Variants in PLEKHA5 observed in about 807,000 individuals in gnomAD.
PLEKHA5 encodes the protein pleckstrin homology domain containing A5.
PLEKHA5 carries 55 observed loss-of-function variants against 181.9 expected under a neutral mutation model. The ratio of observed to expected loss-of-function variants is 0.30; its 90% CI spans 0.24 to 0.38. The LOEUF is 0.38. Among genes scored for constraint, PLEKHA5 ranks in the 10% least tolerant of loss-of-function variants. The probability of loss-of-function intolerance (pLI) is 1.00; values close to 1 mark genes in which losing one functional copy is unlikely to be tolerated. For synonymous variants in PLEKHA5, 535 were observed against 529.4 expected, an observed-to-expected ratio of 1.01 and a Z score of -0.15; for missense variants, 1,432 against 1,549.5, an observed-to-expected ratio of 0.92 and a Z score of 1.27.
At chr12:19,356,237 A>G (rs1328879667) in intron 26 of PLEKHA5, among the ~76,000 whole-genome samples, 1 of 152,022 alleles carries the variant, frequency 6.6e-6, no homozygotes, top group African/African-American at 2.4e-5. Context: ...GGTTTAGGCC[A>G]GGCATAGTAG....
intron 3 of PLEKHA5, among the ~76,000 whole-genome samples, chr12:19,178,719 T>C (rs2047873136): frequency 6.6e-6 from 1 of 152,214 alleles, no homozygotes; most frequent in Non-Finnish European, 1.5e-5. Context: ...TTTTATTGTG[T>C]CCTTAGTCTG....
At chr12:19,224,455 T>G (rs2059410894) in intron 3 of PLEKHA5, among the ~76,000 whole-genome samples, 1 of 152,190 alleles carries the variant, frequency 6.6e-6, no homozygotes, top group Non-Finnish European at 1.5e-5. Flanking sequence ...TCAGTGGGTT[T>G]TGCTCTTACA....
chr12:19,317,921 CTTTTTTTTTTT>C (rs71064082), intron 16 of PLEKHA5, among the ~76,000 whole-genome samples: 2 of 67,514 alleles, frequency 3.0e-5, no homozygotes, highest in African/African-American at 5.9e-5. Context: ...CAAACCAAAC[CTTTTTTTTTTT>C]TTTTTTTTTT....
intron 3 of PLEKHA5, among the ~76,000 whole-genome samples, chr12:19,182,740 G>A (rs1379124697): frequency 6.6e-6 from 1 of 152,086 alleles, no homozygotes; most frequent in Admixed American, 6.6e-5. Flanking sequence ...ACAAAAATAA[G>A]TATAAGTACT....
At chr12:19,219,884 A>G (rs1422242832) in intron 3 of PLEKHA5, among the ~76,000 whole-genome samples, 2 of 152,130 alleles carry the variant, frequency 1.3e-5, no homozygotes, top group East Asian at 3.9e-4. Context: ...TGGTTTTGTC[A>G]AGCATACCAT....
At chr12:19,335,181 G>A (rs1159817489) in intron 20 of PLEKHA5, among the ~76,000 whole-genome samples, 4 of 149,628 alleles carry the variant, frequency 2.7e-5, no homozygotes, top group Admixed American at 6.7e-5. Context: ...ACAGGCAAGC[G>A]CCACCGCACC....
intron 3 of PLEKHA5, among the ~76,000 whole-genome samples, chr12:19,217,465 T>G (rs1327482854): frequency 1.3e-5 from 2 of 152,220 alleles, no homozygotes; most frequent in East Asian, 3.9e-4. Flanking sequence ...TAATAAATTT[T>G]AATTGTGCCA....
At chr12:19,349,089 TTTGTTGTTGTTG>T (rs146606952) in intron 25 of PLEKHA5, among the ~76,000 whole-genome samples, 4 of 144,910 alleles carry the variant, frequency 2.8e-5, no homozygotes, top group South Asian at 2.2e-4. Context: ...GGTGGTTGTT[TTTGTTGTTGTTG>T]TTGTTGTTGT....
intron 3 of PLEKHA5, among the ~76,000 whole-genome samples, chr12:19,159,597 C>G (rs2042512804): frequency 6.6e-6 from 1 of 152,090 alleles, no homozygotes; most frequent in African/African-American, 2.4e-5. Flanking sequence ...GCACAGTTCA[C>G]TTAGTTCCAA....
intron 3 of PLEKHA5, among the ~76,000 whole-genome samples, chr12:19,179,508 A>C (rs1271049628): frequency 1.3e-5 from 2 of 152,010 alleles, no homozygotes; most frequent in African/African-American, 2.4e-5. Context: ...ACAAATAACA[A>C]AATTAGCCTG....
At chr12:19,338,565 G>T (rs539094770) in intron 21 of PLEKHA5, among the ~76,000 whole-genome samples, 1 of 151,210 alleles carries the variant, frequency 6.6e-6, no homozygotes, top group African/African-American at 2.4e-5. Context: ...TGGAGATCAC[G>T]CAACTGTATG....
At chr12:19,275,927 G>A (rs1029309827) in intron 11 of PLEKHA5, among the ~76,000 whole-genome samples, 1 of 152,130 alleles carries the variant, frequency 6.6e-6, no homozygotes, top group Non-Finnish European at 1.5e-5. Flanking sequence ...TAATTCTCTA[G>A]TAGAGGAGAC....
At chr12:19,199,962 G>A (rs1220094307) in intron 3 of PLEKHA5, among the ~76,000 whole-genome samples, 1 of 152,138 alleles carries the variant, frequency 6.6e-6, no homozygotes, top group Non-Finnish European at 1.5e-5. Context: ...GAGGTCGACA[G>A]TGGAATGATG....
chr12:19,315,137 C>T (rs2088090571), intron 16 of PLEKHA5, among the ~76,000 whole-genome samples: 1 of 152,054 alleles, frequency 6.6e-6, no homozygotes, highest in Non-Finnish European at 1.5e-5. Flanking sequence ...AGTTTTTGTG[C>T]AGAGTATTTG....
chr12:19,314,930 A>AT, intron 16 of PLEKHA5, 36 bp downstream of exon 16: 3 of 1,018,296 alleles, frequency 2.9e-6, no homozygotes, highest in East Asian at 2.6e-5. Context: ...CTGCTTTATC[A>AT]TCTGCAAAAT....
chr12:19,277,091 T>C (rs1030986615), intron 11 of PLEKHA5, among the ~76,000 whole-genome samples: 1 of 152,138 alleles, frequency 6.6e-6, no homozygotes, highest in Non-Finnish European at 1.5e-5. Context: ...GCTTATATAT[T>C]ACTAGCAGGA....
chr12:19,154,313 T>C (rs527751890), intron 3 of PLEKHA5: 29 of 152,306 alleles, frequency 1.9e-4, no homozygotes, highest in African/African-American at 6.5e-4. Flanking sequence ...AAACTTTTTT[T>C]TAACTTATAG....
At position 19,358,273 on chromosome 12, in the gene PLEKHA5, A is replaced by G; in HGVS notation, c.3184A>G (p.Thr1062Ala). 2 of 1,614,064 alleles carry G rather than the reference A, an allele frequency of 1.2e-6. No individual in the cohort carries two copies. The highest frequency in any genetic ancestry group is 1.7e-6 in the Non-Finnish European group (2 of 1,179,962). ...GGAACAGCTCTGTTTGGCTGAAAGT[A>G]CTCGACCAAGGATGACTGTGGAAGA... ...AVEQLCLAES[T>A]RPRMTVEEQM... is the part of the protein sequence containing the mutation. The change falls in exon 27 of 32, where the codon ACT (threonine) becomes GCT (alanine). Residue 1062 changes from threonine to alanine, a missense_variant. By Grantham distance (58) the Thr-to-Ala change is moderately conservative. Transcript: ENST00000429027.
intron 21 of PLEKHA5, among the ~76,000 whole-genome samples, chr12:19,338,299 A>G (rs766434172): frequency 6.6e-6 from 1 of 152,036 alleles, no homozygotes; most frequent in African/African-American, 2.4e-5. Context: ...CCTGGGCCCA[A>G]GTGATCCTCC....
Sources: gnomAD v4.1 joint callset for allele counts (sites outside exome capture counted in the v4.1 genomes callset) on GRCh38, gnomAD v4.1.1 for gene constraint, MANE v1.5 for transcripts, NCBI Gene and HGNC (gene_info 2026-07-23, HGNC 2026-07-21) for gene names.